Variants in NUMB observed in about 807,000 individuals in gnomAD.
The protein encoded by NUMB is protein numb homolog.
A neutral mutation model predicts 59.7 loss-of-function variants in NUMB; 29 were observed. The ratio of observed to expected loss-of-function variants is 0.49; its 90% CI spans 0.36 to 0.66. NUMB has a LOEUF of 0.66. Among genes scored for constraint, NUMB ranks in the 30% least tolerant of loss-of-function variants. NUMB has a pLI of 0.00. For missense variants in NUMB, 723 were observed against 822.0 expected, an observed-to-expected ratio of 0.88 and a Z score of 1.47; for synonymous variants, 288 against 288.2, an observed-to-expected ratio of 1.00 and a Z score of 0.01.
intron 2 of NUMB, among the ~76,000 whole-genome samples, chr14:73,378,036 CAT>C (rs1491355881): frequency 0.022 from 3,196 of 147,352 alleles, 112 homozygotes; most frequent in African/African-American, 0.08. Context: ...CACACACACA[CAT>C]ACCAAAAAAC....
chr14:73,336,416 T>C (rs1892318833), intron 4 of NUMB, among the ~76,000 whole-genome samples: 1 of 152,222 alleles, frequency 6.6e-6, no homozygotes. Flanking sequence ...AATCAGCTAT[T>C]GCGTGCCTTC....
At chr14:73,352,349 G>A (rs1269442673) in intron 4 of NUMB, among the ~76,000 whole-genome samples, 2 of 148,942 alleles carry the variant, frequency 1.3e-5, no homozygotes, top group African/African-American at 2.5e-5. Flanking sequence ...TATAGTCTAG[G>A]ATCAAGTTTT....
intron 4 of NUMB, among the ~76,000 whole-genome samples, chr14:73,336,521 G>C (rs1463648137): frequency 6.6e-6 from 1 of 152,124 alleles, no homozygotes; most frequent in African/African-American, 2.4e-5. Context: ...TGAGTTTTGG[G>C]CATTCTCATC....
intron 7 of NUMB, among the ~76,000 whole-genome samples, chr14:73,293,099 T>C (rs1594870926): frequency 6.6e-6 from 1 of 152,348 alleles, no homozygotes; most frequent in East Asian, 1.9e-4. Flanking sequence ...TTCTAAAGCA[T>C]ATGCTTGTTG....
At chr14:73,434,483 A>T (rs1351207746) in intron 1 of NUMB, among the ~76,000 whole-genome samples, 1 of 152,194 alleles carries the variant, frequency 6.6e-6, no homozygotes, top group Non-Finnish European at 1.5e-5. Context: ...CAGTTCTCAC[A>T]AGTGGCCCAA....
chr14:73,436,887 G>C (rs1898077339), intron 1 of NUMB, among the ~76,000 whole-genome samples: 1 of 151,440 alleles, frequency 6.6e-6, no homozygotes, highest in Non-Finnish European at 1.5e-5. Context: ...GCTGAGGCAG[G>C]AGAATCGCTT....
chr14:73,310,975 TATGA>T (rs1890749038), intron 6 of NUMB, among the ~76,000 whole-genome samples: 1 of 152,206 alleles, frequency 6.6e-6, no homozygotes, highest in Admixed American at 6.5e-5. Context: ...TATAGCCAAC[TATGA>T]ATGAAGCTGC....
At chr14:73,297,144 G>A (rs1435793511) in intron 7 of NUMB, 67 bp downstream of exon 7, 7 of 1,069,636 alleles carry the variant, frequency 6.5e-6, no homozygotes, top group Admixed American at 1.8e-5. Flanking sequence ...TCCAGCCTGG[G>A]TGACAAGAGT....
chr14:73,312,077 A>T (rs1490502586), intron 6 of NUMB, among the ~76,000 whole-genome samples: 1 of 151,866 alleles, frequency 6.6e-6, no homozygotes, highest in Non-Finnish European at 1.5e-5. Flanking sequence ...ACCATGACAT[A>T]AAAAAAAATT....
At chr14:73,344,986 C>A (rs1362717862) in intron 4 of NUMB, among the ~76,000 whole-genome samples, 1 of 152,070 alleles carries the variant, frequency 6.6e-6, no homozygotes, top group Non-Finnish European at 1.5e-5. Flanking sequence ...TCCAGCAATC[C>A]CATTACTGGG....
rs3028731 is a variant in NUMB, at chr14:73,395,037, TTGTGTGTGTG to T, written c.-101+14890_-101+14899del. ...TTAAGGTTGAATAGTATTCGTGTGT[TTGTGTGTGTG>T]TGTGTGTGTGTGTGTGTGTGTGTGT... On this transcript the variant is annotated intron_variant, in intron 2 of 12. Transcript: ENST00000555238. 3.5e-3 allele frequency among the ~76,000 whole-genome samples: 416 copies of T among 119,986 alleles called. 2 individuals carry two copies. Among genetic ancestry groups the T allele is most frequent in the Middle Eastern group, 0.013 (3 of 224 alleles). 78.7% of individuals were successfully genotyped at this position (119,986 alleles called of 152,430 possible). A position where few individuals can be genotyped will look rare whatever the true frequency, so the allele number is the denominator to read the frequency against.
chr14:73,287,976 A>G (rs1889127755), intron 8 of NUMB, among the ~76,000 whole-genome samples: 1 of 152,246 alleles, frequency 6.6e-6, no homozygotes, highest in Non-Finnish European at 1.5e-5. Flanking sequence ...CCTTTGGGGA[A>G]GCAGTGGGAA....
At position 73,349,193 on chromosome 14, in the gene NUMB, C is replaced by A. The variant is rs186259521; in HGVS notation, c.126+6433G>T. Among the ~76,000 whole-genome samples the A allele has an allele frequency of 2.2e-3, 338 of 152,342 alleles. 1 individual carries two copies. The highest frequency in any genetic ancestry group is 4.1e-3 in the Non-Finnish European group (279 of 68,022). ...CTCTGGCTCATGCCTGTAATCTCAG[C>A]ACTTTGGGAGGCCAAGATGGGCAGA... On this transcript the variant is annotated intron_variant, in intron 4 of 12. Transcript: ENST00000555238.
chr14:73,433,866 G>C (rs1418798416), intron 1 of NUMB, among the ~76,000 whole-genome samples: 3 of 152,160 alleles, frequency 2.0e-5, no homozygotes, highest in Admixed American at 1.3e-4. Context: ...GAGGCCGATG[G>C]ATCACCTGAG....
At chr14:73,372,406 T>C (rs988569272) in intron 2 of NUMB, among the ~76,000 whole-genome samples, 72 of 144,022 alleles carry the variant, frequency 5.0e-4, no homozygotes, top group Non-Finnish European at 1.4e-4. Flanking sequence ...TGTATACGCA[T>C]ACACACATAT....
In NUMB at chr14:73,431,360, A is replaced by G. The variant is rs558715808; in HGVS notation, c.-232-21292T>C. Among the ~76,000 whole-genome samples, 3 of 150,652 alleles carry G rather than the reference A, an allele frequency of 2.0e-5. No individual in the cohort carries two copies. In the South Asian group the frequency reaches 6.3e-4, roughly 32 times the overall value. ...AACCTCTGCCTCCCGCATTCAAGCA[A>G]CTCTCGTGCTTTGGCCTCCCTAGTA... On this transcript the variant is annotated intron_variant, in intron 1 of 12. Coordinates refer to ENST00000555238, the MANE Select transcript of NUMB (RefSeq NM_001005743.2).
chr14:73,419,248 C>T lies in NUMB; in HGVS notation c.-232-9180G>A, dbSNP rs1897254300. Among the ~76,000 whole-genome samples the T allele has an allele frequency of 3.9e-5, 6 of 152,288 alleles. No individual in the cohort carries two copies. The South Asian group carries it at 1.0e-3, about 26-fold the overall frequency. On this transcript the variant is annotated intron_variant, in intron 1 of 12. Coordinates refer to ENST00000555238, the MANE Select transcript of NUMB (RefSeq NM_001005743.2). ...CAAGAGGGCTGGGCGCGGTGGCTCA[C>T]GCCTGTAATCCCAGCACTTTGGGAG...
intron 2 of NUMB, among the ~76,000 whole-genome samples, chr14:73,392,082 T>C (rs1035533074): frequency 1.3e-5 from 2 of 152,224 alleles, no homozygotes; most frequent in African/African-American, 4.8e-5. Flanking sequence ...TTGATTCCTG[T>C]AGGATTGCAA....
intron 2 of NUMB, among the ~76,000 whole-genome samples, chr14:73,407,659 T>C (rs927316189): frequency 2.6e-5 from 4 of 152,202 alleles, no homozygotes; most frequent in African/African-American, 9.6e-5. Context: ...TCTGTTAAAT[T>C]AAACTCATTA....
Sources: gnomAD v4.1 joint callset for allele counts (sites outside exome capture counted in the v4.1 genomes callset) on GRCh38, gnomAD v4.1.1 for gene constraint, MANE v1.5 for transcripts, NCBI Gene and HGNC (gene_info 2026-07-23, HGNC 2026-07-21) for gene names.